The following LUZP1 variants were observed in gnomAD, a reference collection of about 807,000 sequenced individuals.
The protein encoded by LUZP1 is leucine zipper protein 1.
Under a neutral mutation model 71.3 loss-of-function variants are expected in LUZP1, and 25 were observed. The observed-to-expected ratio is 0.35, with a 90% confidence interval of 0.26 to 0.49. The LOEUF is 0.49. Ranked by LOEUF, LUZP1 falls within the 20% of genes least tolerant of loss-of-function variation. LUZP1 has a pLI of 0.99. For missense variants in LUZP1, 1,142 were observed against 1,300.8 expected, an observed-to-expected ratio of 0.88 and a Z score of 1.88; for synonymous variants, 481 against 506.4, an observed-to-expected ratio of 0.95 and a Z score of 0.67.
chr1:23,176,879 T>G (rs2806557), intron 1 of LUZP1, among the ~76,000 whole-genome samples: 1 of 127,602 alleles, frequency 7.8e-6, no homozygotes, highest in Non-Finnish European at 1.7e-5. Flanking sequence ...TTTTGGGGGG[T>G]TTTTTGTTTT....
intron 1 of LUZP1, among the ~76,000 whole-genome samples, chr1:23,170,454 TTTTC>T (rs1257075209): frequency 3.4e-5 from 5 of 147,358 alleles, no homozygotes; most frequent in African/African-American, 1.3e-4. Context: ...CTTATTTTCT[TTTTC>T]TTTCTTTTTT....
chr1:23,154,630 C>A (rs1225794532), intron 2 of LUZP1, among the ~76,000 whole-genome samples: 1 of 151,854 alleles, frequency 6.6e-6, no homozygotes, highest in African/African-American at 2.4e-5. Flanking sequence ...GCAAGCTCTG[C>A]CTCCTGGGTT....
chr1:23,131,549 A>G (rs1437220631), intron 2 of LUZP1, among the ~76,000 whole-genome samples: 2 of 152,212 alleles, frequency 1.3e-5, no homozygotes, highest in African/African-American at 4.8e-5. Flanking sequence ...CTAGCCTGGA[A>G]TACTAGCTGG....
intron 2 of LUZP1, among the ~76,000 whole-genome samples, chr1:23,156,223 T>C (rs891031642): frequency 1.3e-5 from 2 of 151,458 alleles, no homozygotes; most frequent in African/African-American, 4.9e-5. Flanking sequence ...CTACTAAAAA[T>C]ACAAAAATTA....
intron 2 of LUZP1, among the ~76,000 whole-genome samples, chr1:23,162,023 C>CAAAA (rs377371342): frequency 3.4e-5 from 2 of 59,508 alleles, no homozygotes; most frequent in Non-Finnish European, 6.5e-5. Flanking sequence ...GAGACTGTCT[C>CAAAA]AAAAAAAAAA....
At chr1:23,127,615 C>T (rs951396976) in intron 2 of LUZP1, among the ~76,000 whole-genome samples, 2 of 152,138 alleles carry the variant, frequency 1.3e-5, no homozygotes, top group African/African-American at 4.8e-5. Flanking sequence ...GCTCCGACTC[C>T]CGGGTTCACG....
intron 4 of LUZP1, chr1:23,090,681 G>A: frequency 3.3e-6 from 2 of 604,024 alleles, no homozygotes; most frequent in South Asian, 4.0e-5. Context: ...AATAGGCCCA[G>A]TGTAAGCCCC....
chr1:23,152,790 C>G (rs9426806), intron 2 of LUZP1, among the ~76,000 whole-genome samples: 23,248 of 152,068 alleles, frequency 0.15, 2,124 homozygotes, highest in South Asian at 0.32. Context: ...CTCGACCTCC[C>G]AAAGTGCTAG....
chr1:23,140,039 C>T (rs1644290260), intron 2 of LUZP1, among the ~76,000 whole-genome samples: 1 of 151,948 alleles, frequency 6.6e-6, no homozygotes, highest in South Asian at 2.1e-4. Flanking sequence ...TACACTCAGG[C>T]CTTGGAGAGA....
intron 2 of LUZP1, among the ~76,000 whole-genome samples, chr1:23,125,837 GC>G (rs1389871664): frequency 6.6e-6 from 1 of 152,086 alleles, no homozygotes; most frequent in African/African-American, 2.4e-5. Flanking sequence ...GTACTTGCCT[GC>G]CTGCCTGCCT....
At chr1:23,135,374 ATAT>A in intron 2 of LUZP1, among the ~76,000 whole-genome samples, 1 of 152,330 alleles carries the variant, frequency 6.6e-6, no homozygotes, top group Non-Finnish European at 1.5e-5. Flanking sequence ...TTCCTTAGGA[ATAT>A]TCTACACTTG....
intron 3 of LUZP1, among the ~76,000 whole-genome samples, chr1:23,096,905 G>A (rs770537236): frequency 6.6e-6 from 1 of 152,130 alleles, no homozygotes; most frequent in Non-Finnish European, 1.5e-5. Context: ...CCCACGGGAC[G>A]GAGGCTGCAG....
chr1:23,091,220 A>G (rs771167193), exon 4 of LUZP1: 4 of 1,612,166 alleles, frequency 2.5e-6, no homozygotes, highest in Non-Finnish European at 3.4e-6. Context: ...AGGCTGCGAC[A>G]GTGATGGTGT....
intron 2 of LUZP1, among the ~76,000 whole-genome samples, chr1:23,116,147 G>A (rs1324984149): frequency 6.6e-6 from 1 of 152,152 alleles, no homozygotes; most frequent in Non-Finnish European, 1.5e-5. Flanking sequence ...TTGGGAGGCT[G>A]AGATGGGAGG....
At chr1:23,174,672 G>A (rs1644572363) in intron 1 of LUZP1, among the ~76,000 whole-genome samples, 1 of 151,896 alleles carries the variant, frequency 6.6e-6, no homozygotes, top group African/African-American at 2.4e-5. Flanking sequence ...TGTGTCATCA[G>A]AAAAAAAGGC....
At chr1:23,092,659 A>G in exon 4 of LUZP1, 1 of 1,614,162 alleles carries the variant, frequency 6.2e-7, no homozygotes, top group Non-Finnish European at 8.5e-7. Context: ...ACAGTCTCAG[A>G]GGAGGTGTCA....
chr1:23,139,031 T>A (rs1237102280), intron 2 of LUZP1, among the ~76,000 whole-genome samples: 181 of 117,618 alleles, frequency 1.5e-3, no homozygotes, highest in African/African-American at 1.8e-3. Context: ...TATATATATA[T>A]ATATATATAT....
chr1:23,162,937 A>C (rs1644480547), intron 2 of LUZP1: 1 of 152,146 alleles, frequency 6.6e-6, no homozygotes. Context: ...AGTGATACAA[A>C]GTACCATGTT....
chr1:23,119,497 C>T (rs1199474739), intron 2 of LUZP1, among the ~76,000 whole-genome samples: 1 of 152,088 alleles, frequency 6.6e-6, no homozygotes, highest in Admixed American at 6.6e-5. Flanking sequence ...TTCATTTCTC[C>T]AGGCCTCATT....
Sources: gnomAD v4.1 joint callset for allele counts (sites outside exome capture counted in the v4.1 genomes callset) on GRCh38, gnomAD v4.1.1 for gene constraint, MANE v1.5 for transcripts, NCBI Gene and HGNC (gene_info 2026-07-23, HGNC 2026-07-21) for gene names.